Variants in SLC24A3 observed in about 807,000 individuals in gnomAD.
SLC24A3 encodes solute carrier family 24 member 3.
In SLC24A3, 28 loss-of-function variants were observed where a neutral mutation model predicts 75.8. The observed-to-expected ratio is 0.37, with a 90% confidence interval of 0.27 to 0.51. SLC24A3 has a LOEUF of 0.51. Among genes scored for constraint, SLC24A3 ranks in the 20% least tolerant of loss-of-function variants. The pLI, the probability that SLC24A3 is intolerant of heterozygous loss-of-function variation, is 0.94. For missense variants in SLC24A3, 663 were observed against 847.8 expected, an observed-to-expected ratio of 0.78 and a Z score of 2.71; for synonymous variants, 372 against 334.1, an observed-to-expected ratio of 1.11 and a Z score of -1.24.
intron 3 of SLC24A3, among the ~76,000 whole-genome samples, chr20:19,575,933 G>T (rs1452389276): frequency 1.3e-5 from 2 of 152,198 alleles, no homozygotes; most frequent in Non-Finnish European, 2.9e-5. Context: ...TGGAGATGGG[G>T]TGGTGAACCA....
chr20:19,245,727 T>A (rs1045275054), intron 1 of SLC24A3, among the ~76,000 whole-genome samples: 15 of 152,150 alleles, frequency 9.9e-5, no homozygotes, highest in South Asian at 6.2e-4. Context: ...ACGATTTTAA[T>A]GCTAATGGTA....
chr20:19,356,447 A>G (rs563476214), intron 2 of SLC24A3, among the ~76,000 whole-genome samples: 2 of 152,338 alleles, frequency 1.3e-5, no homozygotes, highest in Non-Finnish European at 2.9e-5. Flanking sequence ...TGCTATGTGT[A>G]TTCTCCTGCA....
At chr20:19,251,458 C>A (rs922734001) in intron 1 of SLC24A3, among the ~76,000 whole-genome samples, 4 of 152,098 alleles carry the variant, frequency 2.6e-5, no homozygotes, top group Admixed American at 2.6e-4. Flanking sequence ...GACTTGGGTG[C>A]AAGGAGGTGA....
chr20:19,628,699 A>G (rs1422286036), intron 6 of SLC24A3, among the ~76,000 whole-genome samples: 2 of 152,074 alleles, frequency 1.3e-5, no homozygotes, highest in African/African-American at 2.4e-5. Context: ...TCTGCTTGCT[A>G]CACCACTACC....
chr20:19,430,335 A>G (rs1987078661), intron 2 of SLC24A3, among the ~76,000 whole-genome samples: 1 of 152,154 alleles, frequency 6.6e-6, no homozygotes, highest in African/African-American at 2.4e-5. Context: ...CCCTTGGCTC[A>G]CCGCTCAGGC....
intron 2 of SLC24A3, among the ~76,000 whole-genome samples, chr20:19,309,187 A>G (rs1466576312): frequency 1.3e-5 from 2 of 152,212 alleles, no homozygotes; most frequent in Non-Finnish European, 2.9e-5. Context: ...CAGCAGATCT[A>G]TGGTTAGAAC....
At chr20:19,316,325 A>G (rs1377033823) in intron 2 of SLC24A3, among the ~76,000 whole-genome samples, 2 of 152,168 alleles carry the variant, frequency 1.3e-5, no homozygotes, top group Non-Finnish European at 2.9e-5. Context: ...GTAGAGCTGG[A>G]GTGAGAAGGG....
intron 3 of SLC24A3, among the ~76,000 whole-genome samples, chr20:19,531,731 C>T (rs551738681): frequency 6.6e-6 from 1 of 152,272 alleles, no homozygotes; most frequent in South Asian, 2.1e-4. Flanking sequence ...TAATACATGG[C>T]CACTGCCTCT....
intron 2 of SLC24A3, among the ~76,000 whole-genome samples, chr20:19,442,191 A>G (rs1413397019): frequency 6.6e-6 from 1 of 152,204 alleles, no homozygotes; most frequent in East Asian, 1.9e-4. Context: ...TTGTGTGGAT[A>G]TAAGTTTTCA....
intron 2 of SLC24A3, among the ~76,000 whole-genome samples, chr20:19,314,463 C>T (rs1984536401): frequency 6.6e-6 from 1 of 151,828 alleles, no homozygotes; most frequent in African/African-American, 2.4e-5. Flanking sequence ...TACAGGCATG[C>T]ACCACCATAC....
intron 15 of SLC24A3, 110 bp downstream of exon 15, chr20:19,698,790 T>A: frequency 2.5e-6 from 2 of 804,550 alleles, no homozygotes; most frequent in Non-Finnish European, 4.1e-6. Context: ...GTAGAAATCG[T>A]AATATTGAGG....
At chr20:19,552,387 C>A (rs538593596) in intron 3 of SLC24A3, among the ~76,000 whole-genome samples, 1 of 152,318 alleles carries the variant, frequency 6.6e-6, no homozygotes, top group African/African-American at 2.4e-5. Flanking sequence ...GGGGAGAGAC[C>A]AGCAAATGCA....
chr20:19,627,741 T>C (rs377758197), intron 6 of SLC24A3, among the ~76,000 whole-genome samples: 7 of 152,224 alleles, frequency 4.6e-5, no homozygotes, highest in African/African-American at 1.7e-4. Context: ...GAGAAGAATG[T>C]TCTGTTGAGT....
intron 2 of SLC24A3, among the ~76,000 whole-genome samples, chr20:19,496,046 A>C (rs1988281320): frequency 6.6e-6 from 1 of 151,890 alleles, no homozygotes; most frequent in Non-Finnish European, 1.5e-5. Flanking sequence ...CTGAGAAGAC[A>C]CTCTCCCTGC....
intron 2 of SLC24A3, among the ~76,000 whole-genome samples, chr20:19,359,256 A>C (rs1186526859): frequency 2.0e-5 from 3 of 151,890 alleles, no homozygotes; most frequent in Non-Finnish European, 2.9e-5. Flanking sequence ...TCCCCAATTA[A>C]AAAAAAAGTT....
At chr20:19,455,539 G>A (rs145943266) in intron 2 of SLC24A3, among the ~76,000 whole-genome samples, 5 of 152,288 alleles carry the variant, frequency 3.3e-5, no homozygotes, top group South Asian at 2.1e-4. Flanking sequence ...AGAGAGAGCC[G>A]AGAATGTCTG....
intron 1 of SLC24A3, among the ~76,000 whole-genome samples, chr20:19,228,451 A>G (rs943301800): frequency 5.9e-5 from 9 of 152,136 alleles, no homozygotes; most frequent in Non-Finnish European, 8.8e-5. Context: ...CATCCTGGCT[A>G]ACACTGTGAA....
chr20:19,397,639 TTTC>T (rs1986477631), intron 2 of SLC24A3, among the ~76,000 whole-genome samples: 1 of 112,150 alleles, frequency 8.9e-6, no homozygotes, highest in Non-Finnish European at 1.7e-5. Flanking sequence ...GTGCTTTTTT[TTTC>T]TTTTCTTTTT....
intron 2 of SLC24A3, among the ~76,000 whole-genome samples, chr20:19,425,983 GC>G (rs1986999051): frequency 6.6e-6 from 1 of 152,234 alleles, no homozygotes; most frequent in Non-Finnish European, 1.5e-5. Flanking sequence ...TTTCCAGAGA[GC>G]CCTAGTTCCT....
Sources: allele counts gnomAD v4.1 joint callset (sites outside exome capture counted in the v4.1 genomes callset), GRCh38; gene constraint gnomAD v4.1.1; transcripts MANE v1.5; gene names NCBI Gene and HGNC (gene_info 2026-07-23, HGNC 2026-07-21).